Variants in ESYT3 observed in about 807,000 individuals in gnomAD.
The protein encoded by ESYT3 is extended synaptotagmin 3, also known as extended synaptotagmin-3.
Under a neutral mutation model 111.5 loss-of-function variants are expected in ESYT3, and 101 were observed. The ratio of observed to expected loss-of-function variants is 0.91; its 90% CI spans 0.77 to 1.07. ESYT3 has a LOEUF of 1.07. ESYT3 is among the 50% of genes least tolerant of loss of function. The probability of loss-of-function intolerance (pLI) is 0.00; values close to 1 mark genes in which losing one functional copy is unlikely to be tolerated. For missense variants in ESYT3, 1,097 were observed against 1,109.4 expected, an observed-to-expected ratio of 0.99 and a Z score of 0.16; for synonymous variants, 416 against 446.8, an observed-to-expected ratio of 0.93 and a Z score of 0.87.
At chr3:138,452,554 G>A (rs2032016023) in intron 2 of ESYT3, among the ~76,000 whole-genome samples, 1 of 152,222 alleles carries the variant, frequency 6.6e-6, no homozygotes, top group Non-Finnish European at 1.5e-5. Context: ...CATCACTACT[G>A]TAATTGCTGT....
chr3:138,468,704 C>T lies in ESYT3; in HGVS notation c.1358C>T (p.Ala453Val). The T allele has an allele frequency of 2.5e-6, 4 of 1,614,126 alleles. No individual in the cohort carries two copies. The highest frequency in any genetic ancestry group is 3.4e-6 in the Non-Finnish European group (4 of 1,180,028). Reference sequence around the variant, plus strand: ...ATTCTCGTGGTCTTCTTGGAGAGTGCCTGCAACTTGCCGGTGAGTGGCGAC... The same window carrying T: ...ATTCTCGTGGTCTTCTTGGAGAGTGTCTGCAACTTGCCGGTGAGTGGCGAC... Reference protein sequence around the residue: ...TAILVVFLESACNLPRNPFDY... With the variant: ...TAILVVFLESVCNLPRNPFDY... The change falls in exon 13 of 23, where the codon GCC (alanine) becomes GTC (valine). Residue 453 changes from alanine to valine, a missense_variant. By Grantham distance (64) the Ala-to-Val change is moderately conservative. Coordinates refer to ENST00000389567, the MANE Select transcript of ESYT3 (RefSeq NM_031913.5).
At chr3:138,469,572 C>CA in intron 15 of ESYT3, 68 bp downstream of exon 15, 1 of 1,356,884 alleles carries the variant, frequency 7.4e-7, no homozygotes, top group Non-Finnish European at 1.0e-6. Flanking sequence ...GGGAGAGAGG[C>CA]AAAAGGGAGG....
chr3:138,474,830 T>C (rs1412960503), intron 20 of ESYT3, among the ~76,000 whole-genome samples: 1 of 152,206 alleles, frequency 6.6e-6, no homozygotes, highest in African/African-American at 2.4e-5. Context: ...ACCTATGTCC[T>C]TGGGGACAAG....
chr3:138,473,121 A>G, intron 18 of ESYT3: 1 of 1,380,622 alleles, frequency 7.2e-7, no homozygotes, highest in Non-Finnish European at 9.3e-7. Context: ...AGAACCATTG[A>G]GTTATACTGG....
chr3:138,469,569 A>G, intron 15 of ESYT3, 65 bp downstream of exon 15: 1 of 1,389,942 alleles, frequency 7.2e-7, no homozygotes. Flanking sequence ...TCAGGGAGAG[A>G]GGCAAAAGGG....
intron 18 of ESYT3, chr3:138,473,064 G>C: frequency 7.0e-7 from 1 of 1,428,670 alleles, no homozygotes; most frequent in Non-Finnish European, 9.1e-7. Context: ...GCTGCGTACT[G>C]ACTATAAAAT....
At chr3:138,468,619 T>G in intron 12 of ESYT3, 36 bp from the exon 13 acceptor site, 1 of 1,609,346 alleles carries the variant, frequency 6.2e-7, no homozygotes, top group East Asian at 2.2e-5. Flanking sequence ...GTCCTGCTGC[T>G]GGGAGTACCC....
rs757531421 is a variant in ESYT3, at chr3:138,468,866, C to G, written c.1419C>G (p.Leu473=). The G allele has an allele frequency of 1.1e-5, 18 of 1,614,168 alleles. No individual in the cohort carries two copies. The highest frequency in any genetic ancestry group is 1.5e-5 in the Non-Finnish European group (18 of 1,180,026). Residue 473 remains leucine (L), a synonymous_variant, in exon 14 of 23, where the codon CTC becomes CTG. Transcript: ENST00000389567. ...ATGGTGAATATCGAGCCAAAAAACTCTCCAGGTTTGCCAGAGTGAGTGAGT... is the reference window on the plus strand; with the variant it reads ...ATGGTGAATATCGAGCCAAAAAACTGTCCAGGTTTGCCAGAGTGAGTGAGT... ...YLNGEYRAKK[L]SRFARNKVSK...
Position 138,435,228 on chromosome 3 carries a change from C to A in ESYT3, c.327+103C>A. On this transcript the variant is annotated intron_variant, in intron 1 of 22. Coordinates refer to ENST00000389567, the MANE Select transcript of ESYT3 (RefSeq NM_031913.5). This position sits in a 1 kb window ranked among gnomAD's most constrained non-coding sequence, Gnocchi z 4.8. ...TGGTGCGCGCAAACCCGAGGCAGGG[C>A]GGGAGCCCGGCGACCTGCACACCCC... 8.3e-7 allele frequency: 1 copy of A among 1,206,532 alleles called. No individual in the cohort carries two copies. Among genetic ancestry groups the A allele is most frequent in the Non-Finnish European group, 1.1e-6 (1 of 886,338 alleles). The allele number at this position is 1,206,532 out of a possible 1,614,324, so 74.7% of individuals were successfully genotyped here. A position where few individuals can be genotyped will look rare whatever the true frequency, so the allele number is the denominator to read the frequency against.
chr3:138,455,199 C>A lies in ESYT3; in HGVS notation c.375C>A (p.Ile125=). 6.2e-7 allele frequency: 1 copy of A among 1,614,208 alleles called. No individual in the cohort carries two copies. The highest frequency in any genetic ancestry group is 8.5e-7 in the Non-Finnish European group (1 of 1,180,018). Residue 125 remains isoleucine (I), a synonymous_variant, in exon 3 of 23, where the codon ATC becomes ATA. Transcript: ENST00000389567. ...VERVEWANKI[I]SQTWPYLSMI... ...GCCTCTTCCCGTCTTCACAGATCATCTCTCAGACCTGGCCCTACCTAAGCA... is the reference window on the plus strand; with the variant it reads ...GCCTCTTCCCGTCTTCACAGATCATATCTCAGACCTGGCCCTACCTAAGCA...
chr3:138,481,295 C>T (rs1560257276), downstream of ESYT3: 1 of 152,196 alleles, frequency 6.6e-6, no homozygotes. Context: ...GTCCCAACTA[C>T]TTGGAAGGCC....
chr3:138,473,730 C>G, intron 19 of ESYT3, 96 bp downstream of exon 19: 1 of 1,046,226 alleles, frequency 9.6e-7, no homozygotes. Flanking sequence ...GGCACATAGT[C>G]CCAAGATAAA....
intron 1 of ESYT3, among the ~76,000 whole-genome samples, chr3:138,447,114 T>G (rs768639231): frequency 5.3e-5 from 8 of 152,180 alleles, no homozygotes; most frequent in Non-Finnish European, 1.2e-4. Flanking sequence ...CATGAGGAAG[T>G]AGATAAATCA....
chr3:138,455,359 C>T (rs749837634), intron 3 of ESYT3, 31 bp downstream of exon 3: 20 of 1,612,888 alleles, frequency 1.2e-5, no homozygotes, highest in Non-Finnish European at 1.6e-5. Flanking sequence ...TCAGCCTGGA[C>T]TGGCTGTGCA....
At chr3:138,473,238 A>G in intron 18 of ESYT3, 1 of 817,848 alleles carries the variant, frequency 1.2e-6, no homozygotes, top group East Asian at 3.6e-5. Context: ...AACCTTCACA[A>G]TAACCCTACA....
In ESYT3 at chr3:138,470,418, C is replaced by T. The variant is rs141850259; in HGVS notation, c.1590+272C>T. 1.3e-3 allele frequency: 1,449 copies of T among 1,148,700 alleles called. 13 individuals carry two copies. In the African/African-American group the frequency reaches 0.022, roughly 17 times the overall value. The allele number at this position is 1,148,700 out of a possible 1,614,324, so 71.2% of individuals were successfully genotyped here. A position where few individuals can be genotyped will look rare whatever the true frequency, so the allele number is the denominator to read the frequency against. ...TATATTTGCTACACAGTACCCAGAG[C>T]AGCCTATCTACACAGGACATTAATA... On this transcript the variant is annotated intron_variant, in intron 16 of 22. Coordinates refer to ENST00000389567, the MANE Select transcript of ESYT3 (RefSeq NM_031913.5).
chr3:138,436,193 C>G (rs985426025), intron 1 of ESYT3, among the ~76,000 whole-genome samples: 3 of 152,154 alleles, frequency 2.0e-5, no homozygotes, highest in Non-Finnish European at 4.4e-5. Flanking sequence ...CAACAGGCTG[C>G]GTGGCTTAAG....
chr3:138,444,620 T>G (rs1333574773), intron 1 of ESYT3, among the ~76,000 whole-genome samples: 1 of 152,176 alleles, frequency 6.6e-6, no homozygotes, highest in African/African-American at 2.4e-5. Context: ...GTGTTCTAAG[T>G]CCCTGGGCGC....
intron 1 of ESYT3, among the ~76,000 whole-genome samples, chr3:138,451,319 CAAGGTGGGCA>C (rs1207538696): frequency 5.3e-5 from 8 of 152,138 alleles, no homozygotes; most frequent in Non-Finnish European, 7.4e-5. Context: ...TTCTGGGAGC[CAAGGTGGGCA>C]GAGGTGGGAG....
Sources: gnomAD v4.1 joint callset for allele counts (sites outside exome capture counted in the v4.1 genomes callset) on GRCh38, gnomAD v4.1.1 for gene constraint, Gnocchi (gnomAD v3.1) non-coding constraint, MANE v1.5 for transcripts, NCBI Gene and HGNC (gene_info 2026-07-23, HGNC 2026-07-21) for gene names.